USB1: variants seen among roughly 807,000 people sequenced by gnomAD.
USB1 encodes the protein U6 snRNA phosphodiesterase 1.
Under a neutral mutation model 29.9 loss-of-function variants are expected in USB1, and 21 were observed. The ratio of observed to expected loss-of-function variants is 0.70; its 90% confidence interval spans 0.50 to 1.01. The LOEUF (loss-of-function observed/expected upper bound fraction) is 1.01. Among genes scored for constraint, USB1 ranks in the 50% least tolerant of loss-of-function variants. The pLI is 0.00. For missense variants in USB1, 330 were observed against 347.1 expected (o/e 0.95, Z 0.39); for synonymous variants, 143 against 134.9 (o/e 1.06, Z -0.42).
intron 5 of USB1, 71 bp downstream of exon 5, chr16:58,017,510 C>G (rs1044697224): frequency 7.0e-7 from 1 of 1,435,440 alleles, no homozygotes; most frequent in African/African-American, 1.4e-5. Context: ...TAAAGAAGCC[C>G]TCGTAAGAGG....
rs1390955940 is a variant in USB1, at chr16:58,006,661, G to C, written c.266-3268G>C. Among the ~76,000 whole-genome samples the C allele has an allele frequency of 2.0e-5, 3 of 151,362 alleles. No individual in the cohort carries two copies. In the East Asian group the frequency reaches 5.8e-4, roughly 29 times the overall value. ...GCAACAGAGCAAGACTCTGTCTTGGGGAAAAAAAAAAGAAAAACAGGCTTA... is the reference window on the plus strand; with the variant it reads ...GCAACAGAGCAAGACTCTGTCTTGGCGAAAAAAAAAAGAAAAACAGGCTTA... On this transcript the variant is annotated intron_variant, in intron 2 of 6. Coordinates refer to ENST00000219281, the MANE Select transcript of USB1 (RefSeq NM_024598.4).
chr16:58,019,702 T>G (rs1445851887), intron 6 of USB1, among the ~76,000 whole-genome samples: 2 of 152,176 alleles, frequency 1.3e-5, no homozygotes, highest in Non-Finnish European at 2.9e-5. Flanking sequence ...ACCTAGATTT[T>G]TACATGTAAT....
chr16:58,006,729 G>A (rs997357215), intron 2 of USB1, among the ~76,000 whole-genome samples: 1 of 151,998 alleles, frequency 6.6e-6, no homozygotes, highest in African/African-American at 2.4e-5. Flanking sequence ...TCCTTTTCTT[G>A]CCTTATTGCA....
Position 58,020,653 on chromosome 16 carries a change from CCT to C in USB1, c.*415_*416del, listed in dbSNP as rs371978648. ...CTTCCTCTCCTCTCTCTCTTCCTCT[CCT>C]CTCTCTTCCCTTCCTGTCTCTCTTC... On this transcript the variant is annotated 3_prime_UTR_variant, in exon 7 of 7. Transcript: ENST00000219281. 105 of 288,506 alleles carry C rather than the reference CCT, an allele frequency of 3.6e-4. No individual in the cohort carries two copies. In the East Asian group the frequency reaches 5.8e-3, roughly 16 times the overall value. The allele number at this position is 288,506 out of a possible 1,614,324, so 17.9% of individuals were successfully genotyped here.
chr16:58,020,526 T>TCTTCTCTCTCTTCCC lies in USB1; in HGVS notation c.*284_*298dup. 2.1e-6 allele frequency: 1 copy of TCTTCTCTCTCTTCCC among 466,198 alleles called. No individual in the cohort carries two copies. The highest frequency in any genetic ancestry group is 4.0e-5 in the East Asian group (1 of 24,790). 28.9% of individuals were successfully genotyped at this position (466,198 alleles called of 1,614,324 possible). A position where few individuals can be genotyped will look rare whatever the true frequency, so the allele number is the denominator to read the frequency against. On this transcript the variant is annotated 3_prime_UTR_variant, in exon 7 of 7. Transcript: ENST00000219281. ...TCTCTTCCTCTCCTCTCTCTCTTCC[T>TCTTCTCTCTCTTCCC]CTTCTCTCTCTTCCCCTCCTGTCTC...
intron 3 of USB1, chr16:58,010,958 G>A (rs1963478610): frequency 7.1e-6 from 5 of 700,286 alleles, no homozygotes; most frequent in African/African-American, 3.5e-5. Flanking sequence ...TACCGGGAGG[G>A]TAGGGGGTGG....
intron 2 of USB1, among the ~76,000 whole-genome samples, chr16:58,005,717 C>T (rs536801814): frequency 1.6e-4 from 24 of 152,262 alleles, no homozygotes; most frequent in Admixed American, 2.0e-4. Context: ...TCTCTTGCCT[C>T]GGCACCTGGA....
intron 2 of USB1, among the ~76,000 whole-genome samples, chr16:58,005,346 T>G (rs1322709363): frequency 6.6e-6 from 1 of 152,100 alleles, no homozygotes; most frequent in Non-Finnish European, 1.5e-5. Context: ...AGCGGGTGTT[T>G]TCCCTTGGCA....
chr16:58,017,952 A>G (rs1963656712), intron 5 of USB1, among the ~76,000 whole-genome samples: 4 of 152,238 alleles, frequency 2.6e-5, no homozygotes, highest in Admixed American at 2.6e-4. Flanking sequence ...TGTTGCTTCA[A>G]AACTTGAGAC....
In USB1 at chr16:58,013,495, C is replaced by T; in HGVS notation, c.450-778C>T. 1.0e-6 allele frequency: 1 copy of T among 984,036 alleles called. No homozygotes were observed. The highest frequency in any genetic ancestry group is 1.8e-5 in the African/African-American group (1 of 56,856). The allele number at this position is 984,036 out of a possible 1,614,324, so 61.0% of individuals were successfully genotyped here. A position where few individuals can be genotyped will look rare whatever the true frequency, so the allele number is the denominator to read the frequency against. ...AAAATGATCTGTTTCTGTGAGGAGA[C>T]TTTCCATGGTGAGATTGCTAGTGTC... On this transcript the variant is annotated intron_variant, in intron 3 of 6. Coordinates refer to ENST00000219281, the MANE Select transcript of USB1 (RefSeq NM_024598.4). This position sits in a 1 kb window ranked among gnomAD's most constrained non-coding sequence, Gnocchi z 4.3.
At chr16:58,014,381 TTGAG>T in intron 4 of USB1, 55 bp downstream of exon 4, 1 of 1,476,586 alleles carries the variant, frequency 6.8e-7, no homozygotes, top group Non-Finnish European at 9.5e-7. Flanking sequence ...GGTGCAAAAA[TTGAG>T]TGCTTTGTTT....
In USB1 at chr16:58,014,313, C is replaced by A; in HGVS notation, c.490C>A (p.Gln164Lys). 1 of 1,613,684 alleles carries A rather than the reference C, an allele frequency of 6.2e-7. No individual in the cohort carries two copies. The highest frequency in any genetic ancestry group is 1.3e-5 in the African/African-American group (1 of 74,992). The change falls in exon 4 of 7, where the codon CAA (glutamine) becomes AAA (lysine). Residue 164 changes from glutamine (Q) to lysine (K), a missense_variant. Transcript: ENST00000219281. Reference protein sequence around the residue: ...TANQVKIYTNQEKTRTFIGLE... With the variant: ...TANQVKIYTNKEKTRTFIGLE... The stretch of plus-strand genomic sequence containing the variant: ...CAACCAGGTAAAGATTTACACCAAT[C>A]AAGAGAAAACCAGGTGGGTCCTCCC...
At chr16:58,012,189 G>C in intron 3 of USB1, 1 of 1,480,632 alleles carries the variant, frequency 6.8e-7, no homozygotes, top group Non-Finnish European at 8.9e-7. Flanking sequence ...GACAGGATTT[G>C]TCCCAATCCA....
At chr16:58,014,230 T>G (rs181014657) in intron 3 of USB1, 43 bp from the exon 4 acceptor site, 9 of 1,552,588 alleles carry the variant, frequency 5.8e-6, no homozygotes, top group Non-Finnish European at 7.1e-6. Flanking sequence ...TTTCTGCTTT[T>G]TTTCTTACGA....
intron 3 of USB1, chr16:58,011,130 T>C (rs1413042641): frequency 5.5e-6 from 7 of 1,279,998 alleles, no homozygotes; most frequent in African/African-American, 1.5e-5. Flanking sequence ...GACCAGATAA[T>C]AGAACAAAAG....
chr16:58,020,471 T>TCTCTCTTCCTCTC lies in USB1; in HGVS notation c.*240_*252dup, dbSNP rs1030681511. ...TCTTCTCCTCTCTTTCTCTCCTCTG[T>TCTCTCTTCCTCTC]CTCTCTTCCTCTCCTCTCTTCCTCT... On this transcript the variant is annotated 3_prime_UTR_variant, in exon 7 of 7. Coordinates refer to ENST00000219281, the MANE Select transcript of USB1 (RefSeq NM_024598.4). 11 of 578,950 alleles carry TCTCTCTTCCTCTC rather than the reference T, an allele frequency of 1.9e-5. No individual in the cohort carries two copies. In the Admixed American group the frequency reaches 2.6e-4, roughly 14 times the overall value. 35.9% of individuals were successfully genotyped at this position (578,950 alleles called of 1,614,324 possible).
At chr16:58,010,146 T>C (rs780095812) in intron 3 of USB1, 34 bp downstream of exon 3, 5 of 1,612,438 alleles carry the variant, frequency 3.1e-6, no homozygotes, top group Non-Finnish European at 3.4e-6. Flanking sequence ...CTCCACTCCC[T>C]CCCCTCCATG....
Position 58,020,589 on chromosome 16 carries a change from CCTCT to C in USB1, c.*349_*352del. 1 of 358,572 alleles carries C rather than the reference CCTCT, an allele frequency of 2.8e-6. No individual in the cohort carries two copies. Among genetic ancestry groups the C allele is most frequent in the South Asian group, 2.3e-5 (1 of 43,476 alleles). The allele number at this position is 358,572 out of a possible 1,614,324, so 22.2% of individuals were successfully genotyped here. Reference sequence around the variant, plus strand: ...CTCTTCCTCTCCTCTCTCTTCCTCTCCTCTCTCTACCCCTCCTGTCTCTCCTCCC... The same window carrying C: ...CTCTTCCTCTCCTCTCTCTTCCTCTCCTCTACCCCTCCTGTCTCTCCTCCC... On this transcript the variant is annotated 3_prime_UTR_variant, in exon 7 of 7. Transcript: ENST00000219281.
At chr16:58,017,773 A>G (rs1261312287) in intron 5 of USB1, among the ~76,000 whole-genome samples, 1 of 152,224 alleles carries the variant, frequency 6.6e-6, no homozygotes, top group Non-Finnish European at 1.5e-5. Context: ...ATTGACCCTC[A>G]GAGAGGAGTT....
Sources: gnomAD v4.1 joint callset for allele counts (sites outside exome capture counted in the v4.1 genomes callset) on GRCh38, gnomAD v4.1.1 for gene constraint, Gnocchi (gnomAD v3.1) non-coding constraint, MANE v1.5 for transcripts, NCBI Gene and HGNC (gene_info 2026-07-23, HGNC 2026-07-21) for gene names.